The following EHMT1 variants were observed in gnomAD, a reference collection of about 807,000 sequenced individuals.
The protein encoded by EHMT1 is histone-lysine N-methyltransferase EHMT1.
EHMT1 carries 15 observed loss-of-function variants against 147.2 expected under a neutral mutation model. The observed-to-expected ratio is 0.10, with a 90% CI of 0.07 to 0.16. The LOEUF is 0.16. EHMT1 is among the 10% of genes least tolerant of loss of function. The probability of loss-of-function intolerance (pLI) is 1.00; values close to 1 mark genes in which losing one functional copy is unlikely to be tolerated. For missense variants in EHMT1, 1,587 were observed against 1,772.4 expected (o/e 0.90, Z 1.88); for synonymous variants, 795 against 709.6 (o/e 1.12, Z -1.91).
Position 137,834,597 on chromosome 9 carries a change from T to C in EHMT1, c.3716+73T>C, listed in dbSNP as rs1250082506. On this transcript the variant is annotated intron_variant, in intron 26 of 26. Transcript: ENST00000460843. ...TTTTAGGAACGGGGCTCGCATTGCT[T>C]TCCTGGGCTTGTCTCGGGTTTATGC... The C allele has an allele frequency of 3.1e-6, 5 of 1,601,958 alleles. No individual in the cohort carries two copies. The African/African-American group carries it at 6.7e-5, about 21-fold the overall frequency.
chr9:137,763,047 CTT>C (rs1949955085), intron 10 of EHMT1: 1 of 628,654 alleles, frequency 1.6e-6, no homozygotes, highest in Non-Finnish European at 2.8e-6. Flanking sequence ...TAGACAAAGT[CTT>C]TGAATGAAAA....
Position 137,744,813 on chromosome 9 carries a change from C to G in EHMT1, c.1170+723C>G, listed in dbSNP as rs566130864. On this transcript the variant is annotated intron_variant, in intron 6 of 26. Transcript: ENST00000460843. The stretch of plus-strand genomic sequence containing the variant: ...TCCTGTGTCCACCCAAGGACAAGCA[C>G]CAGCACGGGCCAAGGCCCCAGCCTT... Among the ~76,000 whole-genome samples, 9 of 152,378 alleles carry G rather than the reference C, an allele frequency of 5.9e-5. No individual in the cohort carries two copies. In the East Asian group the frequency reaches 1.7e-3, roughly 29 times the overall value.
chr9:137,669,356 C>CA (rs1940171422), intron 1 of EHMT1, among the ~76,000 whole-genome samples: 1 of 18,298 alleles, frequency 5.5e-5, no homozygotes, highest in Non-Finnish European at 1.1e-4. Context: ...CCACCCAAGA[C>CA]GCTCCCACAG....
Position 137,775,237 on chromosome 9 carries a change from C to G in EHMT1, c.1776C>G (p.Gly592=). 6.2e-7 allele frequency: 1 copy of G among 1,612,200 alleles called. No individual in the cohort carries two copies. The highest frequency in any genetic ancestry group is 8.5e-7 in the Non-Finnish European group (1 of 1,179,974). Residue 592 remains glycine (G), a synonymous_variant, in exon 11 of 27, where the codon GGC becomes GGG. Coordinates refer to ENST00000460843, the MANE Select transcript of EHMT1 (RefSeq NM_024757.5). This position sits in a 1 kb window ranked among gnomAD's most constrained non-coding sequence, Gnocchi z 6.1. ...MVKHQCCPGC[G]YFCTAGNFME... Reference sequence around the variant, plus strand: ...AGCACCAGTGCTGTCCTGGCTGTGGCTACTTCTGCACAGCGGTAAGAGCCC... The same window carrying G: ...AGCACCAGTGCTGTCCTGGCTGTGGGTACTTCTGCACAGCGGTAAGAGCCC...
chr9:137,823,406 G>A (rs1289429917), intron 25 of EHMT1: 32 of 347,228 alleles, frequency 9.2e-5, no homozygotes, highest in African/African-American at 5.8e-4. Context: ...CCCGGCCAAC[G>A]CCTGGGTAAT....
intron 17 of EHMT1, among the ~76,000 whole-genome samples, chr9:137,799,850 C>T (rs1357719317): frequency 1.3e-5 from 2 of 152,214 alleles, no homozygotes; most frequent in African/African-American, 4.8e-5. Context: ...AGGTCGGAGC[C>T]CCGCCTGGTC....
chr9:137,652,054 T>C (rs1043582495), intron 1 of EHMT1, among the ~76,000 whole-genome samples: 1 of 152,192 alleles, frequency 6.6e-6, no homozygotes, highest in African/African-American at 2.4e-5. Context: ...CTCCTACTTA[T>C]TTAAAAAAAA....
At chr9:137,683,302 C>T (rs912996147) in intron 1 of EHMT1, among the ~76,000 whole-genome samples, 3 of 152,174 alleles carry the variant, frequency 2.0e-5, no homozygotes. Flanking sequence ...TTTGGTGCTA[C>T]GATAAGGCTA....
At position 137,743,973 on chromosome 9, in the gene EHMT1, C is replaced by T. The variant is rs779549255; in HGVS notation, c.1053C>T (p.Asp351=). The T allele has an allele frequency of 6.8e-6, 11 of 1,613,920 alleles. No individual in the cohort carries two copies. The highest frequency in any genetic ancestry group is 1.7e-4 in the Middle Eastern group (1 of 6,056). Residue 351 remains aspartate, a synonymous_variant, in exon 6 of 27, where the codon GAC becomes GAT. Transcript: ENST00000460843. ...GCCTGGAGATGGACTCGGATGAGGACGACTCAGAGGAGCTCGAGGAGGACG... is the reference window on the plus strand; with the variant it reads ...GCCTGGAGATGGACTCGGATGAGGATGACTCAGAGGAGCTCGAGGAGGACG... ...GESLEMDSDE[D]DSEELEEDDG... is the part of the protein sequence containing the mutation.
intron 1 of EHMT1, among the ~76,000 whole-genome samples, chr9:137,672,563 G>T (rs927680129): frequency 2.0e-5 from 3 of 152,242 alleles, no homozygotes; most frequent in Non-Finnish European, 4.4e-5. Flanking sequence ...AGAGTGTGAC[G>T]TGGTCTTGAG....
At chr9:137,811,643 G>T (rs1456984662) in intron 19 of EHMT1, 28 bp downstream of exon 19, 2 of 1,598,982 alleles carry the variant, frequency 1.3e-6, no homozygotes, top group Non-Finnish European at 1.7e-6. Context: ...CCCAGCGCGG[G>T]CTGGCGCTGA....
intron 10 of EHMT1, chr9:137,763,139 G>T: frequency 1.8e-6 from 1 of 558,068 alleles, no homozygotes; most frequent in Non-Finnish European, 3.2e-6. Context: ...TGAGTAGATT[G>T]AGGCAGGATA....
In EHMT1 at chr9:137,762,784, C is replaced by T; in HGVS notation, c.1611C>T (p.Asn537=). The T allele has an allele frequency of 6.2e-7, 1 of 1,614,256 alleles. No homozygotes were observed. Among genetic ancestry groups the T allele is most frequent in the African/African-American group, 1.3e-5 (1 of 75,070 alleles). The part of the protein sequence containing the change: ...PKSREITTLA[N]NQCMATESVD... Reference sequence around the variant, plus strand: ...GTCGAGAGATCACCACACTGGCCAACAACCAGTGCATGGCTACAGAGAGCG... The same window carrying T: ...GTCGAGAGATCACCACACTGGCCAATAACCAGTGCATGGCTACAGAGAGCG... The change falls in exon 10 of 27, where the codon AAC becomes AAT. Residue 537 remains asparagine, a synonymous_variant. Transcript: ENST00000460843.
intron 6 of EHMT1, among the ~76,000 whole-genome samples, chr9:137,751,512 T>C (rs1214644673): frequency 6.6e-6 from 1 of 151,954 alleles, no homozygotes; most frequent in Non-Finnish European, 1.5e-5. Context: ...ATGCAGAGAA[T>C]AGTGGAATAG....
chr9:137,817,740 AGAAGGCGTGGTCCAGTTAG>A (rs374930722), intron 24 of EHMT1: 154 of 659,134 alleles, frequency 2.3e-4, no homozygotes, highest in Middle Eastern at 8.3e-4. Context: ...AGTGCATTTA[AGAAGGCGTGGTCCAGTTAG>A]GAAGGCGTGG....
chr9:137,650,938 C>T (rs1320865865), intron 1 of EHMT1: 3 of 152,102 alleles, frequency 2.0e-5, no homozygotes, highest in Non-Finnish European at 4.4e-5. Context: ...ATGTGCACAC[C>T]CGTGGTTCCA....
At chr9:137,803,645 G>A (rs1461358428) in intron 18 of EHMT1, among the ~76,000 whole-genome samples, 1 of 152,106 alleles carries the variant, frequency 6.6e-6, no homozygotes, top group Non-Finnish European at 1.5e-5. Context: ...ACCCCTGGGA[G>A]TAGAATGGTT....
chr9:137,826,771 G>A (rs1955838224), intron 25 of EHMT1, among the ~76,000 whole-genome samples: 1 of 152,208 alleles, frequency 6.6e-6, no homozygotes, highest in South Asian at 2.1e-4. Flanking sequence ...TCTCCCTGCT[G>A]ATGCGGCTGT....
Position 137,819,542 on chromosome 9 carries a change from A to AGGGG in EHMT1, c.3540+1405_3540+1408dup, listed in dbSNP as rs1564822301. ...ACCGAGACCGTAGAGAGGCCGACTGAGGGGCGCCGTGTACCGAGACCGTAG... is the reference window on the plus strand; with the variant it reads ...ACCGAGACCGTAGAGAGGCCGACTGAGGGGGGGGCGCCGTGTACCGAGACCGTAG... On this transcript the variant is annotated intron_variant, in intron 25 of 26. Transcript: ENST00000460843. Among the ~76,000 whole-genome samples, 11 of 21,720 alleles carry AGGGG rather than the reference A, an allele frequency of 5.1e-4. 2 individuals are homozygous for AGGGG. In the African/African-American group the frequency reaches 5.3e-3, roughly 10 times the overall value. The allele number at this position is 21,720 out of a possible 152,430, so 14.2% of individuals were successfully genotyped here.
Sources: gnomAD v4.1 joint callset for allele counts (sites outside exome capture counted in the v4.1 genomes callset) on GRCh38, gnomAD v4.1.1 for gene constraint, Gnocchi (gnomAD v3.1) non-coding constraint, MANE v1.5 for transcripts, NCBI Gene and HGNC (gene_info 2026-07-23, HGNC 2026-07-21) for gene names.